The following DCC variants were observed in gnomAD, a reference collection of about 807,000 sequenced individuals.
DCC encodes netrin receptor DCC.
A neutral mutation model predicts 172.5 loss-of-function variants in DCC; 58 were observed. The ratio of observed to expected loss-of-function variants is 0.34; its 90% CI spans 0.27 to 0.42. The LOEUF is 0.42. Among genes scored for constraint, DCC ranks in the 10% least tolerant of loss-of-function variants. The pLI is 1.00. For synonymous variants in DCC, 709 were observed against 644.5 expected (o/e 1.10, Z -1.52); for missense variants, 1,740 against 1,791.0 (o/e 0.97, Z 0.51).
intron 15 of DCC, among the ~76,000 whole-genome samples, chr18:53,384,272 T>C (rs1907977352): frequency 6.6e-6 from 1 of 152,194 alleles, no homozygotes; most frequent in Non-Finnish European, 1.5e-5. Flanking sequence ...GTTGAGTATC[T>C]AAAGTTACTC....
intron 12 of DCC, among the ~76,000 whole-genome samples, chr18:53,223,282 C>T (rs1317181592): frequency 3.3e-5 from 5 of 152,058 alleles, no homozygotes; most frequent in Non-Finnish European, 4.4e-5. Context: ...TTATTGCAGT[C>T]ACTGCCATTG....
At chr18:53,054,389 C>T (rs779670530) in intron 5 of DCC, among the ~76,000 whole-genome samples, 31 of 152,078 alleles carry the variant, frequency 2.0e-4, no homozygotes, top group East Asian at 1.2e-3. Flanking sequence ...CACACACACA[C>T]GCAAGCTTAA....
rs575315164 is a variant in DCC at position 53,442,805 on chromosome 18, T to C, written c.3229+7596T>C. On this transcript the variant is annotated intron_variant, in intron 22 of 28. Transcript: ENST00000442544. ...ATGATAAGAAAGCAAAACAGCCTTATTGCTGACATGAAGAAAGTTTTTGTG... is the reference window on the plus strand; with the variant it reads ...ATGATAAGAAAGCAAAACAGCCTTACTGCTGACATGAAGAAAGTTTTTGTG... Among the ~76,000 whole-genome samples the C allele has an allele frequency of 6.6e-5, 10 of 152,360 alleles. 1 individual carries two copies. Among genetic ancestry groups the C allele is most frequent in the South Asian group, 4.1e-4 (2 of 4,832 alleles).
At chr18:53,486,384 T>A (rs541852516) in intron 25 of DCC, among the ~76,000 whole-genome samples, 1 of 152,112 alleles carries the variant, frequency 6.6e-6, no homozygotes, top group Non-Finnish European at 1.5e-5. Flanking sequence ...AATGGAAAAT[T>A]CCCAACATTT....
chr18:53,290,539 T>C (rs765245884), intron 12 of DCC, among the ~76,000 whole-genome samples: 4 of 152,134 alleles, frequency 2.6e-5, no homozygotes, highest in Non-Finnish European at 4.4e-5. Context: ...ATGGCTGCTC[T>C]GAGATTGAAA....
At chr18:53,136,184 C>A (rs1371395541) in intron 7 of DCC, among the ~76,000 whole-genome samples, 1 of 102,880 alleles carries the variant, frequency 9.7e-6, no homozygotes, top group Non-Finnish European at 2.2e-5. Context: ...TCTTTATGGG[C>A]ATGTGATTTT....
At chr18:52,840,906 T>C (rs757132845) in intron 2 of DCC, among the ~76,000 whole-genome samples, 5 of 151,766 alleles carry the variant, frequency 3.3e-5, no homozygotes, top group Non-Finnish European at 7.4e-5. Flanking sequence ...GAAGGAGAAA[T>C]GATAAACAGG....
At chr18:52,461,169 C>T (rs1988617686) in intron 1 of DCC, among the ~76,000 whole-genome samples, 1 of 152,052 alleles carries the variant, frequency 6.6e-6, no homozygotes, top group Non-Finnish European at 1.5e-5. Context: ...TTATTTTCGT[C>T]TTTTTAGATG....
intron 1 of DCC, among the ~76,000 whole-genome samples, chr18:52,435,485 C>G (rs182527786): frequency 1.2e-4 from 19 of 152,282 alleles, no homozygotes; most frequent in Non-Finnish European, 2.2e-4. Flanking sequence ...ACCACACACA[C>G]GCTAATGCTC....
At chr18:52,453,546 A>G (rs1480868239) in intron 1 of DCC, among the ~76,000 whole-genome samples, 4 of 152,214 alleles carry the variant, frequency 2.6e-5, no homozygotes, top group Non-Finnish European at 5.9e-5. Flanking sequence ...TTAATTAAGC[A>G]TGCATTTCTG....
chr18:52,620,478 G>A (rs778988573), intron 1 of DCC, among the ~76,000 whole-genome samples: 4 of 152,144 alleles, frequency 2.6e-5, no homozygotes, highest in South Asian at 2.1e-4. Context: ...ACTCTGAACC[G>A]AATAAATCTC....
chr18:53,226,934 G>GTATATATATATATATATATA (rs1555734406), intron 12 of DCC, among the ~76,000 whole-genome samples: 7 of 68,148 alleles, frequency 1.0e-4, no homozygotes, highest in South Asian at 3.3e-4. Flanking sequence ...GTGTGTGTGT[G>GTATATATATATATATATATA]TATATATATA....
At chr18:52,385,326 A>G (rs1427510007) in intron 1 of DCC, among the ~76,000 whole-genome samples, 1 of 151,426 alleles carries the variant, frequency 6.6e-6, no homozygotes, top group Non-Finnish European at 1.5e-5. Flanking sequence ...CCCAGGCTGG[A>G]GTGCAGTGGC....
intron 5 of DCC, among the ~76,000 whole-genome samples, chr18:53,057,574 C>G (rs979883986): frequency 4.6e-5 from 7 of 152,002 alleles, no homozygotes; most frequent in Admixed American, 6.6e-5. Flanking sequence ...TATTTCTGGC[C>G]ATGGATTTTA....
chr18:52,660,181 G>C (rs918392949), intron 1 of DCC, among the ~76,000 whole-genome samples: 2 of 152,048 alleles, frequency 1.3e-5, no homozygotes, highest in Admixed American at 6.5e-5. Flanking sequence ...TAAAAGGAGA[G>C]GTGAAGGAAA....
intron 7 of DCC, among the ~76,000 whole-genome samples, chr18:53,122,363 A>G (rs1292441586): frequency 1.3e-5 from 2 of 152,014 alleles, no homozygotes; most frequent in Non-Finnish European, 2.9e-5. Context: ...TCTGATAGCA[A>G]TGTAAGCAAA....
At chr18:52,700,535 T>G (rs924352382) in intron 1 of DCC, among the ~76,000 whole-genome samples, 48 of 152,222 alleles carry the variant, frequency 3.2e-4, no homozygotes, top group African/African-American at 1.1e-3. Flanking sequence ...AGGCTCCTTT[T>G]CATGAATGCC....
intron 1 of DCC, among the ~76,000 whole-genome samples, chr18:52,629,624 G>T (rs1284116451): frequency 6.6e-6 from 1 of 152,130 alleles, no homozygotes; most frequent in African/African-American, 2.4e-5. Context: ...AGACCAGCCT[G>T]CCCAATATGG....
chr18:52,800,722 A>G (rs1264146451), intron 2 of DCC, among the ~76,000 whole-genome samples: 3 of 152,346 alleles, frequency 2.0e-5, no homozygotes, highest in South Asian at 2.1e-4. Flanking sequence ...CATAAGTACA[A>G]TTGGTTCCTG....
Sources: allele counts gnomAD v4.1 joint callset (sites outside exome capture counted in the v4.1 genomes callset), GRCh38; gene constraint gnomAD v4.1.1; transcripts MANE v1.5; gene names NCBI Gene and HGNC (gene_info 2026-07-23, HGNC 2026-07-21).